The following PEX5L variants were observed in gnomAD, a reference collection of about 807,000 sequenced individuals.
The protein encoded by PEX5L is peroxisomal biogenesis factor 5 like.
A neutral mutation model predicts 84.0 loss-of-function variants in PEX5L; 30 were observed. The ratio of observed to expected loss-of-function variants is 0.36; its 90% CI spans 0.27 to 0.48. The LOEUF (loss-of-function observed/expected upper bound fraction) is 0.48. PEX5L is among the 20% of genes least tolerant of loss of function. The pLI, the probability that PEX5L is intolerant of heterozygous loss-of-function variation, is 0.99. For missense variants in PEX5L, 533 were observed against 754.6 expected, an observed-to-expected ratio of 0.71 and a Z score of 3.44; for synonymous variants, 270 against 283.1, an observed-to-expected ratio of 0.95 and a Z score of 0.46.
intron 2 of PEX5L, chr3:179,900,540 T>C: frequency 1.5e-6 from 1 of 651,238 alleles, no homozygotes; most frequent in Non-Finnish European, 2.7e-6. Context: ...GCCATTTCAC[T>C]AAAACAAAAA....
rs998561121 is a variant in PEX5L at position 179,795,051 on chromosome 3, T to G, written c.*6777A>C. The stretch of plus-strand genomic sequence containing the variant: ...TTAAAAAATTAACAAAGGAGGAAGA[T>G]TTTTAAAGTTTTGTTTTATATCCAA... On this transcript the variant is annotated 3_prime_UTR_variant, in exon 15 of 15. Transcript: ENST00000467460. The G allele has an allele frequency of 2.6e-5, 4 of 152,306 alleles. No homozygotes were observed. The highest frequency in any genetic ancestry group is 6.8e-3 in the Middle Eastern group (2 of 294). The allele number at this position is 152,306 out of a possible 1,614,324, so 9.4% of individuals were successfully genotyped here.
At chr3:179,900,809 G>T in intron 2 of PEX5L, 1 of 940,596 alleles carries the variant, frequency 1.1e-6, no homozygotes, top group Non-Finnish European at 1.6e-6. Context: ...TTTGGCTTTT[G>T]CGATAATACC....
chr3:179,886,012 G>C (rs781768002), intron 4 of PEX5L, among the ~76,000 whole-genome samples: 13 of 152,282 alleles, frequency 8.5e-5, no homozygotes, highest in South Asian at 4.1e-4. Flanking sequence ...TTTTCCTACA[G>C]TATTTCACAG....
At chr3:179,858,701 A>G (rs1567624) in intron 8 of PEX5L, among the ~76,000 whole-genome samples, 140,751 of 152,250 alleles carry the variant, frequency 0.92, 65,187 homozygotes, top group African/African-American at 0.98. Context: ...AAAAATATAA[A>G]GCATGAACCT....
chr3:179,986,071 T>A (rs2110348494), intron 1 of PEX5L, among the ~76,000 whole-genome samples: 1 of 152,184 alleles, frequency 6.6e-6, no homozygotes, highest in Non-Finnish European at 1.5e-5. Flanking sequence ...CTCTGCACAT[T>A]GATCCCAACG....
At chr3:179,879,895 G>C in intron 5 of PEX5L, 34 bp downstream of exon 5, 1 of 1,459,604 alleles carries the variant, frequency 6.9e-7, no homozygotes, top group East Asian at 2.3e-5. Context: ...GCAGAGCAAG[G>C]TTGAGCATCC....
intron 7 of PEX5L, among the ~76,000 whole-genome samples, chr3:179,861,282 G>A (rs1430741273): frequency 1.3e-5 from 2 of 152,202 alleles, no homozygotes; most frequent in Non-Finnish European, 2.9e-5. Flanking sequence ...CCCAGAAGGT[G>A]TTCTCAGTCA....
chr3:180,005,917 A>T (rs1788847051), intron 1 of PEX5L, among the ~76,000 whole-genome samples: 1 of 152,192 alleles, frequency 6.6e-6, no homozygotes, highest in African/African-American at 2.4e-5. Context: ...TTATCTTTTC[A>T]AAATAGAAAT....
At chr3:179,811,976 T>C in intron 10 of PEX5L, 105 bp from the exon 11 acceptor site, 6 of 857,302 alleles carry the variant, frequency 7.0e-6, no homozygotes, top group Non-Finnish European at 1.2e-5. Flanking sequence ...GAGCAAGCTG[T>C]CTCATATGTG....
At chr3:179,938,426 G>A (rs1437287583) in intron 2 of PEX5L, among the ~76,000 whole-genome samples, 1 of 152,214 alleles carries the variant, frequency 6.6e-6, no homozygotes, top group Non-Finnish European at 1.5e-5. Context: ...TTACTCTGGA[G>A]ATTTAACAAG....
At chr3:179,852,382 C>T (rs1438920603) in intron 8 of PEX5L, among the ~76,000 whole-genome samples, 1 of 152,180 alleles carries the variant, frequency 6.6e-6, no homozygotes, top group African/African-American at 2.4e-5. Flanking sequence ...ATGACCTAAT[C>T]TTAAAAGTCA....
chr3:179,919,084 A>T (rs903507762), intron 2 of PEX5L, among the ~76,000 whole-genome samples: 2 of 152,190 alleles, frequency 1.3e-5, no homozygotes, highest in Non-Finnish European at 2.9e-5. Flanking sequence ...ACATCTGTAC[A>T]TCCTGGATTG....
At position 179,802,050 on chromosome 3, in the gene PEX5L, C is replaced by T. The variant is rs755837346; in HGVS notation, c.1677-18G>A. The T allele has an allele frequency of 1.2e-5, 19 of 1,566,252 alleles. No individual in the cohort carries two copies. Among genetic ancestry groups the T allele is most frequent in the Non-Finnish European group, 1.6e-5 (18 of 1,137,198 alleles). ...CCGCTTCTCTAAGAAGGTAGAAAAA[C>T]ATATTTTAAAATGAGTCACATTTCA... On this transcript the variant is annotated intron_variant, in intron 14 of 14. Transcript: ENST00000467460.
intron 1 of PEX5L, among the ~76,000 whole-genome samples, chr3:179,997,192 A>C (rs555834664): frequency 6.6e-6 from 1 of 152,176 alleles, no homozygotes; most frequent in Admixed American, 6.5e-5. Context: ...GTAACTGTGC[A>C]CTGGGGAAAG....
chr3:179,858,346 C>A (rs775687006), intron 8 of PEX5L, among the ~76,000 whole-genome samples: 10 of 151,928 alleles, frequency 6.6e-5, no homozygotes, highest in African/African-American at 1.9e-4. Flanking sequence ...TGAGTCTACC[C>A]GGGAAGGAAA....
At chr3:179,877,156 T>C (rs1400481734) in intron 5 of PEX5L, among the ~76,000 whole-genome samples, 1 of 152,250 alleles carries the variant, frequency 6.6e-6, no homozygotes, top group African/African-American at 2.4e-5. Flanking sequence ...GTATTTGTCC[T>C]TTTGTGCCTG....
At chr3:179,828,785 T>G (rs1243640157) in intron 8 of PEX5L, among the ~76,000 whole-genome samples, 1 of 152,150 alleles carries the variant, frequency 6.6e-6, no homozygotes, top group African/African-American at 2.4e-5. Context: ...AATTTTTGTG[T>G]ATCCTGCGAC....
chr3:179,960,597 G>A (rs1781765434), intron 2 of PEX5L, among the ~76,000 whole-genome samples: 2 of 152,128 alleles, frequency 1.3e-5, no homozygotes, highest in Non-Finnish European at 2.9e-5. Flanking sequence ...CAAGTTCCTT[G>A]GAGTCTGGAT....
intron 10 of PEX5L, among the ~76,000 whole-genome samples, chr3:179,815,456 G>A (rs1210922025): frequency 6.6e-6 from 1 of 152,172 alleles, no homozygotes; most frequent in Non-Finnish European, 1.5e-5. Context: ...GTGGTGACAG[G>A]CACCTGTAAT....
Sources: gnomAD v4.1 joint callset for allele counts (sites outside exome capture counted in the v4.1 genomes callset) on GRCh38, gnomAD v4.1.1 for gene constraint, MANE v1.5 for transcripts, NCBI Gene and HGNC (gene_info 2026-07-23, HGNC 2026-07-21) for gene names.